The following PASK variants were observed in gnomAD, a reference collection of about 807,000 sequenced individuals.
PASK encodes the protein PAS domain containing serine/threonine kinase.
PASK carries 110 observed loss-of-function variants against 121.0 expected under a neutral mutation model. The ratio of observed to expected loss-of-function variants is 0.91; its 90% CI spans 0.78 to 1.06. PASK has a LOEUF of 1.06. Among genes scored for constraint, PASK ranks in the 50% least tolerant of loss-of-function variants. PASK has a pLI of 0.00. For synonymous variants in PASK, 686 were observed against 717.8 expected, an observed-to-expected ratio of 0.96 and a Z score of 0.71; for missense variants, 1,643 against 1,702.3, an observed-to-expected ratio of 0.97 and a Z score of 0.61.
Position 241,112,514 on chromosome 2 carries a change from C to T in PASK, c.3334-75G>A. The T allele has an allele frequency of 2.4e-6, 2 of 843,026 alleles. No homozygotes were observed. The highest frequency in any genetic ancestry group is 3.2e-5 in the South Asian group (2 of 61,708). The allele number at this position is 843,026 out of a possible 1,614,324, so 52.2% of individuals were successfully genotyped here. A position where few individuals can be genotyped will look rare whatever the true frequency, so the allele number is the denominator to read the frequency against. On this transcript the variant is annotated intron_variant, in intron 14 of 17. Transcript: ENST00000234040. This position sits in a 1 kb window ranked among gnomAD's most constrained non-coding sequence, Gnocchi z 5.2. ...AATATGCATTTAAAATAAACTGGAA[C>T]AAAAAAAAACACAAAGAAAAAATAA... is the stretch of plus-strand genomic sequence containing the variant.
At chr2:241,133,474 T>A (rs1054548336) in intron 8 of PASK, 1 of 272,478 alleles carries the variant, frequency 3.7e-6, no homozygotes, top group Admixed American at 4.9e-5. Context: ...CTACAAGGCT[T>A]CCCTAGGCCT....
chr2:241,111,115 A>C (rs1360862051), intron 15 of PASK, among the ~76,000 whole-genome samples: 1 of 152,204 alleles, frequency 6.6e-6, no homozygotes, highest in African/African-American at 2.4e-5. Flanking sequence ...TCCAGAGCCC[A>C]GCCACTCCTC....
intron 8 of PASK, among the ~76,000 whole-genome samples, chr2:241,135,075 C>A (rs1039752190): frequency 6.6e-6 from 1 of 152,242 alleles, no homozygotes; most frequent in African/African-American, 2.4e-5. Context: ...TCTACTGCCC[C>A]TCATTGCTCC....
chr2:241,150,253 T>C, upstream of PASK: 9 of 1,291,406 alleles, frequency 7.0e-6, no homozygotes, highest in South Asian at 2.1e-4. Flanking sequence ...CTGCTTTCCT[T>C]CCCAGCTTCT....
chr2:241,134,469 G>A (rs2066312650), intron 8 of PASK: 1 of 152,230 alleles, frequency 6.6e-6, no homozygotes, highest in African/African-American at 2.4e-5. Flanking sequence ...TAATGCCCCA[G>A]GCGAGACCCT....
chr2:241,149,388 C>A lies in PASK; in HGVS notation c.-43+26G>T, dbSNP rs372992362. The A allele has an allele frequency of 1.2e-4, 51 of 418,436 alleles. 1 individual carries two copies. The highest frequency in any genetic ancestry group is 7.4e-4 in the East Asian group (16 of 21,480). 25.9% of individuals were successfully genotyped at this position (418,436 alleles called of 1,614,324 possible). On this transcript the variant is annotated intron_variant, in intron 1 of 17. Transcript: ENST00000234040. ...CCTGGGGAGATGGCGGAGCCCGGCC[C>A]GCTCTCCCGAGCGCAGGTATCTCAC...
At chr2:241,113,810 C>T (rs1322449321) in intron 14 of PASK, 1 of 985,358 alleles carries the variant, frequency 1.0e-6, no homozygotes, top group Non-Finnish European at 1.2e-6. Context: ...GGCCCAGCTC[C>T]CCGACCCCGC....
intron 1 of PASK, among the ~76,000 whole-genome samples, chr2:241,146,250 T>C (rs556894697): frequency 6.6e-6 from 1 of 152,224 alleles, no homozygotes; most frequent in African/African-American, 2.4e-5. Flanking sequence ...CAAAAAGGAT[T>C]TGGATCAACA....
intron 1 of PASK, among the ~76,000 whole-genome samples, chr2:241,148,571 G>T (rs989820271): frequency 2.6e-5 from 4 of 152,190 alleles, no homozygotes; most frequent in African/African-American, 9.7e-5. Context: ...GAAGGGCCAA[G>T]CATGAGCCCA....
At position 241,108,070 on chromosome 2, in the gene PASK, T is replaced by C. The variant is rs1180033959; in HGVS notation, c.3667+97A>G. 17 of 1,110,298 alleles carry C rather than the reference T, an allele frequency of 1.5e-5. No individual in the cohort carries two copies. The highest frequency in any genetic ancestry group is 2.4e-5 in the Non-Finnish European group (17 of 722,716). 68.8% of individuals were successfully genotyped at this position (1,110,298 alleles called of 1,614,324 possible). The stretch of plus-strand genomic sequence containing the variant: ...AAAGAAACAAATGAGACTGTTGATA[T>C]GGACAGAGATACACTGAGGAATGAG... On this transcript the variant is annotated intron_variant, in intron 16 of 17. Transcript: ENST00000234040. The surrounding 1 kb of genome is among the most constrained non-coding windows in gnomAD (Gnocchi z 5.2).
chr2:241,138,708 C>G lies in PASK; in HGVS notation c.687G>C (p.Val229=). 6.2e-7 allele frequency: 1 copy of G among 1,614,160 alleles called. No homozygotes were observed. The highest frequency in any genetic ancestry group is 8.5e-7 in the Non-Finnish European group (1 of 1,180,026). ...RMRQERRLCC[V]VVLEPVERVS... ...CCCTCTCCACGGGCTCCAGGACCAC[C>G]ACGCAGCATAGGCGGCGCTCCTGCC... Residue 229 remains valine (V), a synonymous_variant, in exon 5 of 18, where the codon GTG becomes GTC. Transcript: ENST00000234040.
chr2:241,144,104 G>A lies in PASK; in HGVS notation c.-42-1030C>T, dbSNP rs182909869. ...CAGGTGTGTGTGTGTGTGGGTGTGC[G>A]TGTGTGTCCGTGCGTGTGTGTGCGT... On this transcript the variant is annotated intron_variant, in intron 1 of 17. Transcript: ENST00000234040. Among the ~76,000 whole-genome samples, 42 of 151,898 alleles carry A rather than the reference G, an allele frequency of 2.8e-4. 1 individual carries two copies. The highest frequency in any genetic ancestry group is 9.2e-4 in the African/African-American group (38 of 41,292).
intron 1 of PASK, among the ~76,000 whole-genome samples, chr2:241,146,310 A>C (rs974561683): frequency 6.6e-6 from 1 of 152,232 alleles, no homozygotes; most frequent in Admixed American, 6.5e-5. Context: ...ATTCAAGTGA[A>C]ACATTTGTCT....
chr2:241,107,777 A>T (rs981367311), intron 16 of PASK, among the ~76,000 whole-genome samples: 3 of 152,222 alleles, frequency 2.0e-5, no homozygotes, highest in Non-Finnish European at 4.4e-5. Flanking sequence ...GGCTCTGGCA[A>T]TGCAGAGCTG....
At chr2:241,125,491 T>C (rs1449236224) in intron 10 of PASK, among the ~76,000 whole-genome samples, 1 of 148,980 alleles carries the variant, frequency 6.7e-6, no homozygotes, top group African/African-American at 2.5e-5. Flanking sequence ...TCCCAGCTAC[T>C]AGGGAGGCTG....
chr2:241,122,527 G>T (rs1196440530), intron 12 of PASK, among the ~76,000 whole-genome samples: 2 of 152,336 alleles, frequency 1.3e-5, no homozygotes, highest in African/African-American at 4.8e-5. Flanking sequence ...ATCTACAATT[G>T]GACGGGATCA....
chr2:241,113,860 T>C (rs2065213935), intron 14 of PASK: 1 of 985,452 alleles, frequency 1.0e-6, no homozygotes, highest in Non-Finnish European at 1.2e-6. Flanking sequence ...TGACAGGCAA[T>C]GCCCTGAGAA....
intron 8 of PASK, among the ~76,000 whole-genome samples, chr2:241,135,307 G>C (rs1483504192): frequency 1.3e-5 from 2 of 152,270 alleles, no homozygotes; most frequent in East Asian, 3.9e-4. Context: ...CAGGGGATGG[G>C]TTCCAGGACC....
chr2:241,137,049 G>A lies in PASK; in HGVS notation c.1092C>T (p.Phe364=), dbSNP rs1049314813. 13 of 1,613,530 alleles carry A rather than the reference G, an allele frequency of 8.1e-6. No individual in the cohort carries two copies. Among genetic ancestry groups the A allele is most frequent in the Middle Eastern group, 1.6e-4 (1 of 6,082 alleles). Residue 364 remains phenylalanine, a synonymous_variant, in exon 7 of 18, where the codon TTC becomes TTT. Transcript: ENST00000234040. ...DGTIHGINHS[F]ALTLFGYGKT... The stretch of plus-strand genomic sequence containing the variant: ...TTCCGTAACCAAACAGTGTCAGCGC[G>A]AAGCTGTGGTTGATGCCGTGGATGG...
Sources: allele counts gnomAD v4.1 joint callset (sites outside exome capture counted in the v4.1 genomes callset), GRCh38; gene constraint gnomAD v4.1.1; non-coding constraint Gnocchi (gnomAD v3.1); transcripts MANE v1.5; gene names NCBI Gene and HGNC (gene_info 2026-07-23, HGNC 2026-07-21).